The following AGRN variants were observed in gnomAD, a reference collection of about 807,000 sequenced individuals.
AGRN encodes the protein agrin proteoglycan.
AGRN carries 106 observed loss-of-function variants against 211.0 expected under a neutral mutation model. The observed-to-expected ratio is 0.50, with a 90% CI of 0.43 to 0.59. The LOEUF (loss-of-function observed/expected upper bound fraction) is 0.59. AGRN is among the 20% of genes least tolerant of loss of function. AGRN has a pLI of 0.00. For missense variants in AGRN, 3,040 were observed against 2,982.6 expected (o/e 1.02, Z -0.45); for synonymous variants, 1,525 against 1,332.5 (o/e 1.14, Z -3.15).
intron 2 of AGRN, among the ~76,000 whole-genome samples, chr1:1,023,398 T>C (rs1644453816): frequency 6.6e-6 from 1 of 152,098 alleles, no homozygotes; most frequent in Admixed American, 6.5e-5. Flanking sequence ...TGCGGCCTTT[T>C]CCCCAGCCTG....
Position 1,040,727 on chromosome 1 carries a change from C to G in AGRN, c.574C>G (p.Arg192Gly), listed in dbSNP as rs1056434535. The G allele has an allele frequency of 1.3e-6, 2 of 1,545,994 alleles. No homozygotes were observed. Among genetic ancestry groups the G allele is most frequent in the Admixed American group, 3.9e-5 (2 of 51,170 alleles). ...VCEPNAEGPG[R>G]ASCVCKKSPC... ...CGAGCCCAACGCGGAGGGGCCGGGC[C>G]GGGCGTCCTGCGTCTGCAAGAAGAG... is the stretch of plus-strand genomic sequence containing the variant. Residue 192 changes from arginine (R) to glycine (G), a missense_variant, in exon 4 of 36, where the codon CGG becomes GGG. By Grantham distance (125) the Arg-to-Gly change is moderately radical. Coordinates refer to ENST00000379370, the MANE Select transcript of AGRN (RefSeq NM_198576.4).
chr1:1,043,198 G>C (rs756471034), intron 7 of AGRN, 41 bp from the exon 8 acceptor site: 25 of 1,556,792 alleles, frequency 1.6e-5, no homozygotes, highest in Middle Eastern at 3.4e-4. Context: ...TGCAGCGGAG[G>C]GGGGGCTTGT....
At chr1:1,022,152 C>A (rs1644419477) in intron 1 of AGRN, 49 bp from the exon 2 acceptor site, 1 of 1,611,510 alleles carries the variant, frequency 6.2e-7, no homozygotes, top group Non-Finnish European at 8.5e-7. Context: ...CCAGTCTAGC[C>A]CCTTCCCCAG....
intron 3 of AGRN, among the ~76,000 whole-genome samples, chr1:1,036,375 C>G (rs1389242226): frequency 6.6e-6 from 1 of 152,212 alleles, no homozygotes; most frequent in East Asian, 1.9e-4. Flanking sequence ...GGTCTTCCCT[C>G]GGAGTGTGGA....
intron 2 of AGRN, among the ~76,000 whole-genome samples, chr1:1,023,710 G>T (rs1163659932): frequency 2.6e-5 from 4 of 152,196 alleles, no homozygotes; most frequent in Admixed American, 2.6e-4. Flanking sequence ...CTGAGGACTT[G>T]CTCTAGGGTC....
rs1376887654 is a variant in AGRN at position 1,054,974 on chromosome 1, C to A, written c.6131C>A (p.Thr2044Asn). The change falls in exon 36 of 36, where the codon ACC (threonine) becomes AAC (asparagine). Residue 2044 changes from threonine (T) to asparagine (N), a missense_variant. Physicochemically the swap from Thr to Asn is moderately conservative, Grantham distance 65. Transcript: ENST00000379370. ...AAGCCAGAGCTGCGGCCCTGCCCCACCCCATGAGCTGGCACCAGAGCCCCG... is the reference window on the plus strand; with the variant it reads ...AAGCCAGAGCTGCGGCCCTGCCCCAACCCATGAGCTGGCACCAGAGCCCCG... ...VTKPELRPCP[T>N]P 3 of 1,548,612 alleles carry A rather than the reference C, an allele frequency of 1.9e-6. No individual in the cohort carries two copies. Among genetic ancestry groups the A allele is most frequent in the South Asian group, 2.4e-5 (2 of 84,052 alleles).
chr1:1,053,387 A>C, intron 33 of AGRN: 1 of 1,255,184 alleles, frequency 8.0e-7, no homozygotes, highest in Non-Finnish European at 1.0e-6. Context: ...CTTGCACCCC[A>C]CAGTGTTGAG....
chr1:1,041,970 C>G lies in AGRN; in HGVS notation c.1192C>G (p.Pro398Ala), dbSNP rs138165746. The G allele has an allele frequency of 2.5e-6, 4 of 1,611,738 alleles. No individual in the cohort carries two copies. The highest frequency in any genetic ancestry group is 1.7e-6 in the Non-Finnish European group (2 of 1,179,660). Reference protein sequence around the residue: ...QCQGRDQCPEPCRFNAVCLSR... With the variant: ...QCQGRDQCPEACRFNAVCLSR... Reference sequence around the variant, plus strand: ...CTGCGTCCTAGACCAGTGCCCGGAGCCCTGCCGGTTCAATGCCGTGTGCCT... The same window carrying G: ...CTGCGTCCTAGACCAGTGCCCGGAGGCCTGCCGGTTCAATGCCGTGTGCCT... Residue 398 changes from proline to alanine, a missense_variant, in exon 7 of 36, where the codon CCC (proline) becomes GCC (alanine). By Grantham distance (27) the Pro-to-Ala change is conservative. Around this residue, in one of 3 missense-constraint regions of AGRN, gnomAD observed 1,498 missense variants for 1,457.8 expected, o/e 1.03. Coordinates refer to ENST00000379370, the MANE Select transcript of AGRN (RefSeq NM_198576.4).
intron 3 of AGRN, among the ~76,000 whole-genome samples, chr1:1,037,930 G>A (rs572339134): frequency 8.1e-4 from 124 of 152,296 alleles, no homozygotes; most frequent in African/African-American, 2.8e-3. Flanking sequence ...CTCGTGTGGA[G>A]CCTCTATGAT....
In AGRN at chr1:1,040,662, C is replaced by T; in HGVS notation, c.512-3C>T. 6.5e-7 allele frequency: 1 copy of T among 1,547,426 alleles called. No individual in the cohort carries two copies. The highest frequency in any genetic ancestry group is 8.7e-7 in the Non-Finnish European group (1 of 1,146,358). On this transcript the variant is annotated splice_polypyrimidine_tract_variant and splice_region_variant and intron_variant, in intron 3 of 35. Coordinates refer to ENST00000379370, the MANE Select transcript of AGRN (RefSeq NM_198576.4). ...CCTGAGCTTTCTCCCCTACCCGCCCCAGCGTGCCGGGGAATGCTGTGCGGC... is the reference window on the plus strand; with the variant it reads ...CCTGAGCTTTCTCCCCTACCCGCCCTAGCGTGCCGGGGAATGCTGTGCGGC...
chr1:1,021,576 G>C (rs889170828), intron 1 of AGRN, among the ~76,000 whole-genome samples: 1 of 152,236 alleles, frequency 6.6e-6, no homozygotes, highest in African/African-American at 2.4e-5. Context: ...CCCTGTCCCC[G>C]TGAGGGCCGC....
Position 1,053,974 on chromosome 1 carries a change from ATAGGTGAG to A in AGRN, c.5876+2_5876+9del. 6.3e-7 allele frequency: 1 copy of A among 1,597,906 alleles called. No individual in the cohort carries two copies. Among genetic ancestry groups the A allele is most frequent in the Non-Finnish European group, 8.5e-7 (1 of 1,173,226 alleles). ...AACCGCTGGTTGCGGGTCGTGGCAC[ATAGGTGAG>A]TAGGGAACCCAGCGTGCCGAGAATA... is the stretch of plus-strand genomic sequence containing the variant. On this transcript the variant is annotated splice_donor_variant and splice_donor_5th_base_variant and coding_sequence_variant and intron_variant, in exon 34 of 36. Coordinates refer to ENST00000379370, the MANE Select transcript of AGRN (RefSeq NM_198576.4). LOFTEE classifies it high-confidence loss of function.
chr1:1,051,219 G>T, intron 30 of AGRN, 34 bp from the exon 31 acceptor site: 1 of 1,568,630 alleles, frequency 6.4e-7, no homozygotes, highest in South Asian at 1.2e-5. Context: ...CCGTGGGTGG[G>T]CTCTGCACAG....
Position 1,054,745 on chromosome 1 carries a change from C to G in AGRN, c.5981-79C>G, listed in dbSNP as rs899683460. On this transcript the variant is annotated intron_variant, in intron 35 of 35. Coordinates refer to ENST00000379370, the MANE Select transcript of AGRN (RefSeq NM_198576.4). Reference sequence around the variant, plus strand: ...AGGCGGGTGCCCAGGTGTGGGCCCCCTGCTGGTCACCTGCTCGTTGGGGTG... The same window carrying G: ...AGGCGGGTGCCCAGGTGTGGGCCCCGTGCTGGTCACCTGCTCGTTGGGGTG... The G allele has an allele frequency of 6.5e-6, 10 of 1,527,386 alleles. No homozygotes were observed. The Admixed American group carries it at 1.4e-4, about 21-fold the overall frequency. The allele number at this position is 1,527,386 out of a possible 1,614,324, so 94.6% of individuals were successfully genotyped here.
At position 1,050,183 on chromosome 1, in the gene AGRN, G is replaced by A; in HGVS notation, c.4880-50G>A. On this transcript the variant is annotated intron_variant, in intron 27 of 35. Coordinates refer to ENST00000379370, the MANE Select transcript of AGRN (RefSeq NM_198576.4). The stretch of plus-strand genomic sequence containing the variant: ...GATCCACACACGGCTGGCATGGGGT[G>A]CAGGAGGCCCCGGGGGTCAGGACTG... 5 of 1,606,034 alleles carry A rather than the reference G, an allele frequency of 3.1e-6. 1 individual carries two copies. Among genetic ancestry groups the A allele is most frequent in the African/African-American group, 1.3e-5 (1 of 74,850 alleles).
At chr1:1,030,409 T>A (rs1644637837) in intron 2 of AGRN, among the ~76,000 whole-genome samples, 1 of 82,028 alleles carries the variant, frequency 1.2e-5, no homozygotes, top group African/African-American at 4.4e-5. Context: ...CATGGTGCTG[T>A]GAGATCAGCG....
In AGRN at chr1:1,051,610, G is replaced by A; in HGVS notation, c.5528G>A (p.Cys1843Tyr). ...VPREAAYVCL[C>Y]PGGFSGPHCE... is the part of the protein sequence containing the mutation. ...AGGGAGGCTGCCTATGTGTGCCTGT[G>A]TCCCGGGGGATTCTCAGGACCGCAC... Residue 1843 changes from cysteine (C) to tyrosine (Y), a missense_variant, in exon 32 of 36, where the codon TGT becomes TAT. Around this residue, in one of 3 missense-constraint regions of AGRN, gnomAD observed 1,537 missense variants for 1,505.0 expected, o/e 1.02. Transcript: ENST00000379370. 6.2e-7 allele frequency: 1 copy of A among 1,609,616 alleles called. No individual in the cohort carries two copies. The highest frequency in any genetic ancestry group is 8.5e-7 in the Non-Finnish European group (1 of 1,177,786).
In AGRN at chr1:1,023,966, C is replaced by T. The variant is rs561649468; in HGVS notation, c.463+1504C>T. 4.0e-3 allele frequency among the ~76,000 whole-genome samples: 615 copies of T among 152,216 alleles called. 3 individuals carry two copies. Among genetic ancestry groups the T allele is most frequent in the Non-Finnish European group, 7.0e-3 (473 of 67,980 alleles). On this transcript the variant is annotated intron_variant, in intron 2 of 35. Transcript: ENST00000379370. Reference sequence around the variant, plus strand: ...CAGCCAGTATGCAGCTTGGGGAGCACCCGGGAGGGGCTGTGGCCACCGGAC... The same window carrying T: ...CAGCCAGTATGCAGCTTGGGGAGCATCCGGGAGGGGCTGTGGCCACCGGAC...
At chr1:1,035,000 A>C in intron 2 of AGRN, 1 of 560,918 alleles carries the variant, frequency 1.8e-6, no homozygotes, top group Non-Finnish European at 3.2e-6. Flanking sequence ...TCTTCCAGGG[A>C]AGGGGGTCCT....
Sources: allele counts gnomAD v4.1 joint callset (sites outside exome capture counted in the v4.1 genomes callset), GRCh38; gene constraint gnomAD v4.1.1; regional missense constraint gnomAD v4.1.1; transcripts MANE v1.5; gene names NCBI Gene and HGNC (gene_info 2026-07-23, HGNC 2026-07-21).